LTBP3: variants seen among roughly 807,000 people sequenced by gnomAD.
The protein encoded by LTBP3 is latent-transforming growth factor beta-binding protein 3.
LTBP3 carries 97 observed loss-of-function variants against 159.7 expected under a neutral mutation model. The ratio of observed to expected loss-of-function variants is 0.61; its 90% CI spans 0.52 to 0.72. LTBP3 has a LOEUF of 0.72. LTBP3 is among the 30% of genes least tolerant of loss of function. The pLI is 0.00. For missense variants in LTBP3, 1,584 were observed against 1,864.3 expected (o/e 0.85, Z 2.77); for synonymous variants, 824 against 777.1 (o/e 1.06, Z -1.00).
chr11:65,550,749 G>GGGAGGC (rs973840402), intron 11 of LTBP3, among the ~76,000 whole-genome samples: 2 of 152,030 alleles, frequency 1.3e-5, no homozygotes, highest in Non-Finnish European at 2.9e-5. Context: ...GCTTGAACCC[G>GGGAGGC]GGAGGCGGAG....
intron 16 of LTBP3, chr11:65,545,295 A>T: frequency 5.0e-6 from 1 of 199,390 alleles, no homozygotes. Flanking sequence ...TGCTCTGCTT[A>T]CCCAACCCAC....
chr11:65,548,081 A>G (rs1461772851), intron 11 of LTBP3, 36 bp from the exon 12 acceptor site: 1 of 1,612,940 alleles, frequency 6.2e-7, no homozygotes, highest in African/African-American at 1.3e-5. Flanking sequence ...CAGAGCAGGG[A>G]GCGCTCACCT....
At chr11:65,543,375 G>A (rs779985005) in intron 17 of LTBP3, 52 bp downstream of exon 17, 36 of 1,612,776 alleles carry the variant, frequency 2.2e-5, no homozygotes, top group Non-Finnish European at 2.9e-5. Context: ...GGGGGGTGGG[G>A]GTCCTGGGGT....
rs1565100147 is a variant in LTBP3 at position 65,553,012 on chromosome 11, G to C, written c.1064-30C>G. 6.2e-7 allele frequency: 1 copy of C among 1,613,972 alleles called. No homozygotes were observed. The highest frequency in any genetic ancestry group is 2.2e-5 in the East Asian group (1 of 44,880). On this transcript the variant is annotated intron_variant, in intron 5 of 27. Transcript: ENST00000301873. The surrounding 1 kb of genome is among the most constrained non-coding windows in gnomAD (Gnocchi z 6.5). ...GGTAAGTGGAAGTTTGGCCCCTCTGGTCTGGGGCCATGGGGTGACAGCAGG... is the reference window on the plus strand; with the variant it reads ...GGTAAGTGGAAGTTTGGCCCCTCTGCTCTGGGGCCATGGGGTGACAGCAGG...
chr11:65,538,757 C>T lies in LTBP3; in HGVS notation c.*323G>A, dbSNP rs1158360061. 1.4e-5 allele frequency: 13 copies of T among 919,754 alleles called. No individual in the cohort carries two copies. In the South Asian group the frequency reaches 1.6e-4, roughly 11 times the overall value. The allele number at this position is 919,754 out of a possible 1,614,324, so 57.0% of individuals were successfully genotyped here. A position where few individuals can be genotyped will look rare whatever the true frequency, so the allele number is the denominator to read the frequency against. ...CTGGGAGGCGGCTGGGGTCTGGCGCCGCCCTGCGCAGCCCGCGCCCACGTC... is the reference window on the plus strand; with the variant it reads ...CTGGGAGGCGGCTGGGGTCTGGCGCTGCCCTGCGCAGCCCGCGCCCACGTC... On this transcript the variant is annotated 3_prime_UTR_variant, in exon 28 of 28. Transcript: ENST00000301873.
In LTBP3 at chr11:65,539,068, G is replaced by T; in HGVS notation, c.*12C>A. 7.3e-7 allele frequency: 1 copy of T among 1,367,686 alleles called. No homozygotes were observed. The highest frequency in any genetic ancestry group is 3.6e-5 in the Admixed American group (1 of 27,980). The allele number at this position is 1,367,686 out of a possible 1,614,324, so 84.7% of individuals were successfully genotyped here. On this transcript the variant is annotated 3_prime_UTR_variant, in exon 28 of 28. Transcript: ENST00000301873. ...ATCACCGAGGTCTGGGCCGAGGGCG[G>T]CGTCGGCGGCGTCAGCGGCGGCGCT...
At chr11:65,556,667 C>A (rs377092270) in intron 1 of LTBP3, among the ~76,000 whole-genome samples, 4 of 152,218 alleles carry the variant, frequency 2.6e-5, no homozygotes, top group Admixed American at 6.5e-5. Context: ...GGGCAATATG[C>A]GCACAGACAC....
chr11:65,546,930 A>C lies in LTBP3; in HGVS notation c.2108-10T>G, dbSNP rs2135140225. ...CGGCACTCGTCGATGTCTGCACGGG[A>C]GGGAGAAGGAAGAGGACCCATCTGG... is the stretch of plus-strand genomic sequence containing the variant. On this transcript the variant is annotated splice_polypyrimidine_tract_variant and intron_variant, in intron 14 of 27. Coordinates refer to ENST00000301873, the MANE Select transcript of LTBP3 (RefSeq NM_001130144.3). This position sits in a 1 kb window ranked among gnomAD's most constrained non-coding sequence, Gnocchi z 4.0. 2.5e-6 allele frequency: 4 copies of C among 1,610,802 alleles called. No individual in the cohort carries two copies. The highest frequency in any genetic ancestry group is 3.4e-6 in the Non-Finnish European group (4 of 1,179,950).
Position 65,541,301 on chromosome 11 carries a change from G to A in LTBP3, c.2726-8C>T. 6.2e-7 allele frequency: 1 copy of A among 1,608,730 alleles called. No homozygotes were observed. The highest frequency in any genetic ancestry group is 8.5e-7 in the Non-Finnish European group (1 of 1,179,938). ...GGTGGGGCTGCTCCACCTCTGAGGG[G>A]CAGACGGCAGCTCAGGGTTGTGCAC... is the stretch of plus-strand genomic sequence containing the variant. On this transcript the variant is annotated splice_polypyrimidine_tract_variant and splice_region_variant and intron_variant, in intron 19 of 27. Transcript: ENST00000301873.
Position 65,547,046 on chromosome 11 carries a change from G to C in LTBP3, c.2108-126C>G. The C allele has an allele frequency of 1.4e-6, 2 of 1,379,494 alleles. No homozygotes were observed. The highest frequency in any genetic ancestry group is 1.3e-5 in the South Asian group (1 of 78,648). 85.5% of individuals were successfully genotyped at this position (1,379,494 alleles called of 1,614,324 possible). On this transcript the variant is annotated intron_variant, in intron 14 of 27. Transcript: ENST00000301873. This position sits in a 1 kb window ranked among gnomAD's most constrained non-coding sequence, Gnocchi z 4.6. ...GGCTCCCGGACCCCAACCTCTGAGA[G>C]GCCCAGAGCCGAGCATACAGGCCGG...
chr11:65,544,947 C>T (rs913841577), intron 16 of LTBP3: 2 of 152,428 alleles, frequency 1.3e-5, no homozygotes, highest in Admixed American at 6.6e-5. Context: ...CACTTTCTGC[C>T]CACATATCTC....
chr11:65,541,118 C>A lies in LTBP3; in HGVS notation c.2893+8G>T. Reference sequence around the variant, plus strand: ...AAGATCTGGGAAGGGGCCTGCCCGGCTCCTGACCTGAGCTGTAGACTGGGC... The same window carrying A: ...AAGATCTGGGAAGGGGCCTGCCCGGATCCTGACCTGAGCTGTAGACTGGGC... On this transcript the variant is annotated splice_region_variant and intron_variant, in intron 20 of 27. Coordinates refer to ENST00000301873, the MANE Select transcript of LTBP3 (RefSeq NM_001130144.3). The A allele has an allele frequency of 6.2e-7, 1 of 1,612,082 alleles. No homozygotes were observed. Among genetic ancestry groups the A allele is most frequent in the South Asian group, 1.1e-5 (1 of 90,988 alleles).
chr11:65,540,736 G>GGAGGGGCGGGGCCTACAT lies in LTBP3; in HGVS notation c.2978-123_2978-122insATGTAGGCCCCGCCCCTC. 7 of 1,498,360 alleles carry GGAGGGGCGGGGCCTACAT rather than the reference G, an allele frequency of 4.7e-6. No individual in the cohort carries two copies. The East Asian group carries it at 9.1e-5, about 19-fold the overall frequency. The allele number at this position is 1,498,360 out of a possible 1,614,324, so 92.8% of individuals were successfully genotyped here. A position where few individuals can be genotyped will look rare whatever the true frequency, so the allele number is the denominator to read the frequency against. On this transcript the variant is annotated intron_variant, in intron 21 of 27. Coordinates refer to ENST00000301873, the MANE Select transcript of LTBP3 (RefSeq NM_001130144.3). ...GCCTACAGGAGGGGCGGGGCCTACA[G>GGAGGGGCGGGGCCTACAT]GGCGGGGCCTGCGAGGAAGGTGCGG...
In LTBP3 at chr11:65,549,754, C is replaced by CG. The variant is rs1554974610; in HGVS notation, c.1720+1371dup. Reference sequence around the variant, plus strand: ...GTTTTCACAGGAAAACTCCCCAGGCCGGGAAAAAAAAAAAAAAAAAAAAGA... The same window carrying CG: ...GTTTTCACAGGAAAACTCCCCAGGCCGGGGAAAAAAAAAAAAAAAAAAAAGA... On this transcript the variant is annotated intron_variant, in intron 11 of 27. Coordinates refer to ENST00000301873, the MANE Select transcript of LTBP3 (RefSeq NM_001130144.3). 4.1e-3 allele frequency among the ~76,000 whole-genome samples: 281 copies of CG among 68,212 alleles called. 2 individuals carry two copies. Among genetic ancestry groups the CG allele is most frequent in the African/African-American group, 0.011 (228 of 21,492 alleles). 44.7% of individuals were successfully genotyped at this position (68,212 alleles called of 152,430 possible).
rs1292620442 is a variant in LTBP3, at chr11:65,546,184, T to C, written c.2353+258A>G. The stretch of plus-strand genomic sequence containing the variant: ...GGGGGAGTACTATCGTCTGCCCTCA[T>C]TCTTTGATATCTTTTTTCCTTCAAA... On this transcript the variant is annotated intron_variant, in intron 16 of 27. Coordinates refer to ENST00000301873, the MANE Select transcript of LTBP3 (RefSeq NM_001130144.3). This position sits in a 1 kb window ranked among gnomAD's most constrained non-coding sequence, Gnocchi z 4.0. 2 of 527,030 alleles carry C rather than the reference T, an allele frequency of 3.8e-6. No homozygotes were observed. The highest frequency in any genetic ancestry group is 6.7e-6 in the Non-Finnish European group (2 of 298,408). 32.6% of individuals were successfully genotyped at this position (527,030 alleles called of 1,614,324 possible).
chr11:65,540,040 C>T lies in LTBP3; in HGVS notation c.3358G>A (p.Asp1120Asn), dbSNP rs1045991961. ...GCCGGGCTCTCGGGGAGCTGGCAAT[C>T]GCGGCCGGAGGGCCCGGGCACCCAG... Reference protein sequence around the residue: ...PPWVPGPSGRDCQLPESPAER... With the variant: ...PPWVPGPSGRNCQLPESPAER... Residue 1120 changes from aspartate (D) to asparagine (N), a missense_variant, in exon 24 of 28, where the codon GAT becomes AAT. Asp to Asn is a conservative substitution (Grantham distance 23, BLOSUM62 1). Around this residue, in one of 6 missense-constraint regions of LTBP3, gnomAD observed 514 missense variants for 530.3 expected, o/e 0.97. Transcript: ENST00000301873. 1.3e-6 allele frequency: 2 copies of T among 1,515,224 alleles called. No individual in the cohort carries two copies. The highest frequency in any genetic ancestry group is 4.1e-5 in the Admixed American group (2 of 48,944). 93.9% of individuals were successfully genotyped at this position (1,515,224 alleles called of 1,614,324 possible). A position where few individuals can be genotyped will look rare whatever the true frequency, so the allele number is the denominator to read the frequency against.
intron 20 of LTBP3, 74 bp downstream of exon 20, chr11:65,541,052 G>A: frequency 6.3e-7 from 1 of 1,584,972 alleles, no homozygotes. Context: ...AACTGCCAGG[G>A]GGCGCCATTT....
chr11:65,541,870 A>C (rs1177588113), intron 18 of LTBP3, 142 bp from the exon 19 acceptor site: 4 of 869,516 alleles, frequency 4.6e-6, no homozygotes, highest in Non-Finnish European at 7.3e-6. Context: ...GTGTCTGTGC[A>C]TGTGTCTGAA....
Position 65,541,725 on chromosome 11 carries a change from A to G in LTBP3, c.2600T>C (p.Ile867Thr), listed in dbSNP as rs1451323806. Residue 867 changes from isoleucine to threonine, a missense_variant, in exon 19 of 28, where the codon ATA (isoleucine) becomes ACA (threonine). By Grantham distance (89) the Ile-to-Thr change is moderately conservative. Coordinates refer to ENST00000301873, the MANE Select transcript of LTBP3 (RefSeq NM_001130144.3). ...GCTCGGGTCCTGGCTGCACTCATCT[A>G]TGTCTGCGGGGCAAGAGTAGCGCAG... ...RLVGGRKCQD[I>T]DECSQDPSLC... 3 of 1,613,750 alleles carry G rather than the reference A, an allele frequency of 1.9e-6. No individual in the cohort carries two copies. The African/African-American group carries it at 4.0e-5, about 22-fold the overall frequency.
Sources: gnomAD v4.1 joint callset for allele counts (sites outside exome capture counted in the v4.1 genomes callset) on GRCh38, gnomAD v4.1.1 for gene constraint, gnomAD v4.1.1 regional missense constraint, Gnocchi (gnomAD v3.1) non-coding constraint, MANE v1.5 for transcripts, NCBI Gene and HGNC (gene_info 2026-07-23, HGNC 2026-07-21) for gene names.